The following KCNK2 variants were observed in gnomAD, a reference collection of about 807,000 sequenced individuals.
The protein encoded by KCNK2 is potassium two pore domain channel subfamily K member 2.
In KCNK2, 21 loss-of-function variants were observed where a neutral mutation model predicts 40.5. The observed-to-expected ratio is 0.52, with a 90% CI of 0.37 to 0.75. The LOEUF (loss-of-function observed/expected upper bound fraction) is 0.75, where lower values mean the gene tolerates loss of function less well. Ranked by LOEUF, KCNK2 falls within the 30% of genes least tolerant of loss-of-function variation. KCNK2 has a pLI of 0.00. For synonymous variants in KCNK2, 191 were observed against 202.2 expected (o/e 0.94, Z 0.47); for missense variants, 399 against 531.6 (o/e 0.75, Z 2.45).
chr1:215,035,928 GTT>G (rs35528319), intron 1 of KCNK2, among the ~76,000 whole-genome samples: 3 of 150,162 alleles, frequency 2.0e-5, no homozygotes, highest in African/African-American at 4.9e-5. Context: ...GTTTTGAGGA[GTT>G]TTTTTTTTAA....
chr1:215,094,562 A>G (rs1329734154), intron 2 of KCNK2, among the ~76,000 whole-genome samples: 1 of 152,146 alleles, frequency 6.6e-6, no homozygotes, highest in Non-Finnish European at 1.5e-5. Context: ...TTAGAGGAAT[A>G]AATCATTCTT....
Position 215,235,088 on chromosome 1 carries a change from T to C in KCNK2, c.1224T>C (p.Asn408=). 6.2e-7 allele frequency: 1 copy of C among 1,612,272 alleles called. No homozygotes were observed. The highest frequency in any genetic ancestry group is 8.5e-7 in the Non-Finnish European group (1 of 1,178,518). The change falls in exon 7 of 7, where the codon AAT becomes AAC. Residue 408 remains asparagine (N), a synonymous_variant. Transcript: ENST00000444842. ...PLLKTESIYL[N]GLTPHCAGEE... ...TGAAGACTGAGAGTATCTATCTGAA[T>C]GGTTTGACGCCACACTGTGCTGGTG...
At chr1:215,078,217 G>A (rs1430059364), upstream of KCNK2, among the ~76,000 whole-genome samples, 1 of 152,210 alleles carries the variant, frequency 6.6e-6, no homozygotes, top group Non-Finnish European at 1.5e-5. Flanking sequence ...TAGCCTGCAG[G>A]CCGCAGGCTG....
intron 1 of KCNK2, among the ~76,000 whole-genome samples, chr1:215,025,913 T>C (rs1656984863): frequency 6.6e-6 from 1 of 152,090 alleles, no homozygotes; most frequent in African/African-American, 2.4e-5. Context: ...ATTTTTACAT[T>C]TTAATAAATG....
At chr1:215,224,919 C>T (rs1666323210) in intron 6 of KCNK2, among the ~76,000 whole-genome samples, 1 of 151,924 alleles carries the variant, frequency 6.6e-6, no homozygotes, top group South Asian at 2.1e-4. Context: ...AATTGCAGTC[C>T]ACTTCTGATA....
At chr1:215,175,673 C>T (rs1663936906) in intron 5 of KCNK2, among the ~76,000 whole-genome samples, 2 of 152,032 alleles carry the variant, frequency 1.3e-5, no homozygotes, top group African/African-American at 4.8e-5. Flanking sequence ...CTAGTGGTCC[C>T]CAGTGTCTGT....
chr1:215,156,279 C>A (rs1345144547), intron 3 of KCNK2, among the ~76,000 whole-genome samples: 1 of 152,164 alleles, frequency 6.6e-6, no homozygotes, highest in Non-Finnish European at 1.5e-5. Flanking sequence ...ACTGTTCAGC[C>A]AGGAGCAGCA....
intron 1 of KCNK2, 75 bp downstream of exon 1, chr1:215,083,506 C>A: frequency 9.6e-7 from 1 of 1,038,898 alleles, no homozygotes; most frequent in Non-Finnish European, 1.5e-6. Flanking sequence ...GGGAGGACTG[C>A]AAATGCCCCC....
intron 1 of KCNK2, among the ~76,000 whole-genome samples, chr1:215,036,172 A>T (rs189801652): frequency 6.2e-4 from 93 of 149,148 alleles, no homozygotes; most frequent in Admixed American, 1.9e-3. Flanking sequence ...TTTAGCTTTT[A>T]CTTTGAGGTC....
chr1:215,048,222 C>A (rs1470474747), intron 1 of KCNK2, among the ~76,000 whole-genome samples: 1 of 152,088 alleles, frequency 6.6e-6, no homozygotes. Flanking sequence ...AAAAGTTATA[C>A]TTTTTTTCTT....
intron 6 of KCNK2, among the ~76,000 whole-genome samples, chr1:215,230,092 TACACACACACACACACAC>T (rs59050433): frequency 1.4e-5 from 2 of 141,258 alleles, no homozygotes; most frequent in African/African-American, 2.7e-5. Flanking sequence ...TGTGTGTGTA[TACACACACACACACACAC>T]ACACACACAC....
At chr1:215,184,781 A>G (rs2102652652) in intron 5 of KCNK2, among the ~76,000 whole-genome samples, 1 of 152,248 alleles carries the variant, frequency 6.6e-6, no homozygotes, top group African/African-American at 2.4e-5. Context: ...ATTCAAGATG[A>G]GATTTGGGTG....
At chr1:215,103,081 C>T (rs1446027420) in intron 2 of KCNK2, among the ~76,000 whole-genome samples, 1 of 151,844 alleles carries the variant, frequency 6.6e-6, no homozygotes, top group African/African-American at 2.4e-5. Flanking sequence ...AGAGGGAACA[C>T]ACAGGGTTTG....
chr1:215,164,254 T>C (rs559531229), intron 3 of KCNK2, among the ~76,000 whole-genome samples: 14 of 152,328 alleles, frequency 9.2e-5, no homozygotes, highest in African/African-American at 3.4e-4. Context: ...TTCTGTGGGA[T>C]CAGTGGTGAT....
intron 1 of KCNK2, among the ~76,000 whole-genome samples, chr1:215,015,428 C>T (rs1656550953): frequency 6.6e-6 from 1 of 152,102 alleles, no homozygotes; most frequent in African/African-American, 2.4e-5. Context: ...AACTTTTTAG[C>T]TCGAGATTTC....
chr1:215,168,067 C>T (rs1031732549), intron 3 of KCNK2, among the ~76,000 whole-genome samples: 4 of 152,252 alleles, frequency 2.6e-5, no homozygotes, highest in African/African-American at 7.2e-5. Flanking sequence ...TGAACAGACA[C>T]TTCTCAAAAG....
chr1:215,203,729 A>G lies in KCNK2; in HGVS notation c.963+8637A>G, dbSNP rs905060811. 5.9e-5 allele frequency among the ~76,000 whole-genome samples: 9 copies of G among 152,242 alleles called. No individual in the cohort carries two copies. The South Asian group carries it at 1.2e-3, about 21-fold the overall frequency. ...CCAGAGACCAAAATAGCCTAGTAAA[A>G]AAATGAATATAGAAATTTCAAATAT... is the stretch of plus-strand genomic sequence containing the variant. On this transcript the variant is annotated intron_variant, in intron 6 of 6. Coordinates refer to ENST00000444842, the MANE Select transcript of KCNK2 (RefSeq NM_001017425.3).
At chr1:215,198,290 G>T (rs1286472055) in intron 6 of KCNK2, among the ~76,000 whole-genome samples, 1 of 152,138 alleles carries the variant, frequency 6.6e-6, no homozygotes, top group Admixed American at 6.5e-5. Flanking sequence ...CAAAGTTTCA[G>T]CTGCTCTGGA....
At chr1:215,151,261 A>G (rs1662674569) in intron 3 of KCNK2, among the ~76,000 whole-genome samples, 1 of 152,124 alleles carries the variant, frequency 6.6e-6, no homozygotes, top group Non-Finnish European at 1.5e-5. Context: ...CAATATAGAC[A>G]GTTGAAGGCC....
Sources: allele counts gnomAD v4.1 joint callset (sites outside exome capture counted in the v4.1 genomes callset), GRCh38; gene constraint gnomAD v4.1.1; transcripts MANE v1.5; gene names NCBI Gene and HGNC (gene_info 2026-07-23, HGNC 2026-07-21).